Variants in CPS1 observed in about 807,000 individuals in gnomAD.
The protein encoded by CPS1 is carbamoyl-phosphate synthase 1.
A neutral mutation model predicts 174.6 loss-of-function variants in CPS1; 109 were observed. The ratio of observed to expected loss-of-function variants is 0.62; its 90% CI spans 0.53 to 0.73. CPS1 has a LOEUF of 0.73. Among genes scored for constraint, CPS1 ranks in the 30% least tolerant of loss-of-function variants. CPS1 has a pLI of 0.00. For synonymous variants in CPS1, 637 were observed against 632.0 expected, an observed-to-expected ratio of 1.01 and a Z score of -0.12; for missense variants, 1,689 against 1,821.9, an observed-to-expected ratio of 0.93 and a Z score of 1.33.
chr2:210,520,915 T>C (rs1042597839), intron 1 of CPS1, among the ~76,000 whole-genome samples: 1 of 152,062 alleles, frequency 6.6e-6, no homozygotes, highest in Non-Finnish European at 1.5e-5. Context: ...AGAGCATTCA[T>C]GTGCAAAAGT....
chr2:210,532,959 A>G (rs936201466), intron 1 of CPS1, among the ~76,000 whole-genome samples: 1 of 152,184 alleles, frequency 6.6e-6, no homozygotes, highest in African/African-American at 2.4e-5. Context: ...GCAAGAACTA[A>G]TCTCAGTTAT....
chr2:210,573,128 T>C (rs1308044440), intron 1 of CPS1, among the ~76,000 whole-genome samples, 170 bp from the exon 2 acceptor site: 1 of 152,074 alleles, frequency 6.6e-6, no homozygotes, highest in African/African-American at 2.4e-5. Flanking sequence ...AAGAGCTATA[T>C]ATTTGAAGAA....
chr2:210,622,552 G>A (rs73984653), intron 21 of CPS1, among the ~76,000 whole-genome samples: 1 of 151,670 alleles, frequency 6.6e-6, no homozygotes, highest in Non-Finnish European at 1.5e-5. Flanking sequence ...GGTAGAATCA[G>A]CATATATAAT....
chr2:210,544,899 A>AT lies in CPS1; in HGVS notation c.4-11810dup, dbSNP rs971978941. On this transcript the variant is annotated intron_variant, in intron 1 of 38. Coordinates refer to the CPS1 transcript ENST00000430249. ...TTTATGGAGTTGAAGTGCCTAGTAC[A>AT]TTTTTTTTTTCTCCTCATACTAATT... Among the ~76,000 whole-genome samples the AT allele has an allele frequency of 6.0e-5, 9 of 149,588 alleles. No homozygotes were observed. The East Asian group carries it at 9.8e-4, about 16-fold the overall frequency.
At chr2:210,587,563 CTT>C (rs3217219) in intron 6 of CPS1, among the ~76,000 whole-genome samples, 10,197 of 152,106 alleles carry the variant, frequency 0.067, 519 homozygotes, top group East Asian at 0.25. Context: ...TCCTGTGACT[CTT>C]ATACTGATTT....
Position 210,600,587 on chromosome 2 carries a change from G to A in CPS1, c.1582G>A (p.Glu528Lys), listed in dbSNP as rs763466112. 2.5e-6 allele frequency: 4 copies of A among 1,612,180 alleles called. No homozygotes were observed. Among genetic ancestry groups the A allele is most frequent in the South Asian group, 1.1e-5 (1 of 91,016 alleles). Residue 528 changes from glutamate to lysine, a missense_variant, in exon 15 of 38, where the codon GAA becomes AAA. Physicochemically the swap from Glu to Lys is moderately conservative, Grantham distance 56. Transcript: ENST00000233072. ...VELFKRGVLK[E>K]YGVKVLGTSV... ...ACTATTCAAGAGAGGTGTGCTCAAG[G>A]AATATGGTGTGAAAGTCCTGGGAAC... is the stretch of plus-strand genomic sequence containing the variant.
At chr2:210,512,584 G>T (rs1203061358) in intron 1 of CPS1, among the ~76,000 whole-genome samples, 1 of 150,784 alleles carries the variant, frequency 6.6e-6, no homozygotes, top group African/African-American at 2.4e-5. Flanking sequence ...TATGCAGCAT[G>T]TTTTCTTTGT....
intron 21 of CPS1, among the ~76,000 whole-genome samples, chr2:210,634,324 G>A (rs540323948): frequency 6.6e-6 from 1 of 152,296 alleles, no homozygotes; most frequent in East Asian, 1.9e-4. Flanking sequence ...CAGCTACTCG[G>A]GAGGCTGAGG....
intron 1 of CPS1, among the ~76,000 whole-genome samples, chr2:210,549,882 T>C (rs1696678700): frequency 6.6e-6 from 1 of 152,068 alleles, no homozygotes; most frequent in South Asian, 2.1e-4. Flanking sequence ...ATTATTCTTT[T>C]GGAAATCCTA....
rs115770624 is a variant in CPS1, at chr2:210,638,361, C to T, written c.2829+518C>T. Among the ~76,000 whole-genome samples, 425 of 152,098 alleles carry T rather than the reference C, an allele frequency of 2.8e-3. 4 individuals carry two copies. The highest frequency in any genetic ancestry group is 9.4e-3 in the African/African-American group (389 of 41,474). Reference sequence around the variant, plus strand: ...GCTCATCTAGTATTCATGACAATCACGCATGAACATTCATAGGTGTGCTGT... The same window carrying T: ...GCTCATCTAGTATTCATGACAATCATGCATGAACATTCATAGGTGTGCTGT... On this transcript the variant is annotated intron_variant, in intron 22 of 37. Coordinates refer to ENST00000233072, the MANE Select transcript of CPS1 (RefSeq NM_001875.5).
Position 210,513,885 on chromosome 2 carries a change from A to G in CPS1, c.3+36119A>G, listed in dbSNP as rs1270074566. Among the ~76,000 whole-genome samples the G allele has an allele frequency of 2.0e-5, 3 of 152,068 alleles. No individual in the cohort carries two copies. In the East Asian group the frequency reaches 5.8e-4, roughly 29 times the overall value. On this transcript the variant is annotated intron_variant, in intron 1 of 38. Transcript: ENST00000430249. ...TGTGTATGGTGAAAGGTAGGAGTCC[A>G]GTGTCATTTTTCTGCATATGGCTAG...
At chr2:210,633,277 T>C (rs761450566) in intron 21 of CPS1, among the ~76,000 whole-genome samples, 55 of 152,072 alleles carry the variant, frequency 3.6e-4, no homozygotes, top group Admixed American at 1.3e-3. Context: ...TTTTTTTTCG[T>C]CACCAGAGCT....
chr2:210,536,324 T>C (rs984266635), intron 1 of CPS1, among the ~76,000 whole-genome samples: 1 of 148,894 alleles, frequency 6.7e-6, no homozygotes, highest in Non-Finnish European at 1.5e-5. Context: ...TAGGTACTTT[T>C]TTTTTTTTTT....
chr2:210,521,729 C>T lies in CPS1; in HGVS notation c.4-34990C>T, dbSNP rs757440002. ...ACTGCTTGAACTTATGAAATAACTACTTTAATTTCCTTGTCAATTCTAAAA... is the reference window on the plus strand; with the variant it reads ...ACTGCTTGAACTTATGAAATAACTATTTTAATTTCCTTGTCAATTCTAAAA... On this transcript the variant is annotated intron_variant, in intron 1 of 38. Transcript: ENST00000430249. Among the ~76,000 whole-genome samples the T allele has an allele frequency of 2.6e-5, 4 of 152,006 alleles. No homozygotes were observed. The South Asian group carries it at 6.2e-4, about 24-fold the overall frequency.
At chr2:210,656,653 G>C in intron 30 of CPS1, 21 bp downstream of exon 30, 1 of 1,567,902 alleles carries the variant, frequency 6.4e-7, no homozygotes, top group Non-Finnish European at 8.8e-7. Flanking sequence ...ATAAATAAAA[G>C]TGGAAGGGAA....
At chr2:210,619,245 A>G (rs1224028434) in intron 21 of CPS1, 1 of 152,110 alleles carries the variant, frequency 6.6e-6, no homozygotes, top group African/African-American at 2.4e-5. Context: ...CTATGGAGCC[A>G]GAGATTGGTG....
chr2:210,573,869 A>C (rs921039974), intron 2 of CPS1, among the ~76,000 whole-genome samples: 2 of 152,088 alleles, frequency 1.3e-5, no homozygotes, highest in Admixed American at 6.6e-5. Flanking sequence ...ATTTTATATA[A>C]TTTTGCACTC....
chr2:210,545,496 A>G (rs879280721), intron 1 of CPS1, among the ~76,000 whole-genome samples: 12 of 152,006 alleles, frequency 7.9e-5, no homozygotes, highest in Non-Finnish European at 1.6e-4. Flanking sequence ...GTATGAATTT[A>G]TACATTATGG....
chr2:210,569,754 T>A (rs940200732), intron 1 of CPS1, among the ~76,000 whole-genome samples: 1 of 152,052 alleles, frequency 6.6e-6, no homozygotes, highest in Admixed American at 6.6e-5. Flanking sequence ...AGGTCCTTTA[T>A]TTTATAGAAC....
Sources: gnomAD v4.1 joint callset for allele counts (sites outside exome capture counted in the v4.1 genomes callset) on GRCh38, gnomAD v4.1.1 for gene constraint, MANE v1.5 for transcripts, NCBI Gene and HGNC (gene_info 2026-07-23, HGNC 2026-07-21) for gene names.